Variants in EHD1 observed in about 807,000 individuals in gnomAD.
EHD1 encodes the protein EH domain-containing protein 1.
Under a neutral mutation model 39.0 loss-of-function variants are expected in EHD1, and 19 were observed. That is an observed-to-expected ratio of 0.49 (90% confidence interval 0.34 to 0.72). The LOEUF (loss-of-function observed/expected upper bound fraction) is 0.72. Among genes scored for constraint, EHD1 ranks in the 30% least tolerant of loss-of-function variants. EHD1 has a pLI of 0.01. For missense variants in EHD1, 542 were observed against 751.5 expected, an observed-to-expected ratio of 0.72 and a Z score of 3.26; for synonymous variants, 323 against 331.2, an observed-to-expected ratio of 0.98 and a Z score of 0.27.
chr11:64,855,761 G>A lies in EHD1; in HGVS notation c.916-275C>T, dbSNP rs915357249. 9.6e-5 allele frequency: 44 copies of A among 458,484 alleles called. No homozygotes were observed. In the East Asian group the frequency reaches 1.3e-3, roughly 13 times the overall value. 28.4% of individuals were successfully genotyped at this position (458,484 alleles called of 1,614,324 possible). ...GAAGACAACAGCCTTGGCCTTGCACGGATCATTGTGATGATTCAGGAAGAG... is the reference window on the plus strand; with the variant it reads ...GAAGACAACAGCCTTGGCCTTGCACAGATCATTGTGATGATTCAGGAAGAG... On this transcript the variant is annotated intron_variant, in intron 3 of 4. Coordinates refer to ENST00000320631, the MANE Select transcript of EHD1 (RefSeq NM_006795.4).
chr11:64,857,377 T>C (rs1284664468), intron 3 of EHD1, among the ~76,000 whole-genome samples: 2 of 152,068 alleles, frequency 1.3e-5, no homozygotes, highest in African/African-American at 4.8e-5. Flanking sequence ...TGAGCCGAGA[T>C]TGCGCCACTG....
chr11:64,863,160 C>T (rs564251162), intron 2 of EHD1, among the ~76,000 whole-genome samples: 13 of 152,256 alleles, frequency 8.5e-5, no homozygotes, highest in Non-Finnish European at 1.6e-4. Flanking sequence ...AGTCAGGCTC[C>T]GGAAAAGAGC....
chr11:64,860,403 C>T, intron 2 of EHD1, 67 bp from the exon 3 acceptor site: 10 of 1,530,534 alleles, frequency 6.5e-6, no homozygotes, highest in Non-Finnish European at 5.3e-6. Context: ...CTCTCATCTC[C>T]AACCTGGCCT....
At chr11:64,879,195 A>G (rs1454675474), upstream of EHD1, 39 of 1,064,176 alleles carry the variant, frequency 3.7e-5, no homozygotes, top group Non-Finnish European at 4.4e-5. Flanking sequence ...GTGGTAGCAG[A>G]GCAAGCTGAG....
At chr11:64,874,177 G>A (rs1354896554) in intron 2 of EHD1, among the ~76,000 whole-genome samples, 1 of 151,280 alleles carries the variant, frequency 6.6e-6, no homozygotes, top group Non-Finnish European at 1.5e-5. Context: ...GGTGGCACAT[G>A]CCCGTAGTCC....
intron 1 of EHD1, among the ~76,000 whole-genome samples, chr11:64,875,876 G>A (rs984436061): frequency 6.6e-6 from 1 of 152,330 alleles, no homozygotes; most frequent in South Asian, 2.1e-4. Flanking sequence ...GACAGGAGGC[G>A]CTGGAGAGAT....
rs372762618 is a variant in EHD1 at position 64,869,136 on chromosome 11, C to T, written c.502+5285G>A. 1.1e-4 allele frequency among the ~76,000 whole-genome samples: 16 copies of T among 152,358 alleles called. No homozygotes were observed. In the South Asian group the frequency reaches 2.9e-3, roughly 28 times the overall value. The stretch of plus-strand genomic sequence containing the variant: ...CAAATGCATGAAGAATGCCTCATCC[C>T]CCAAATATAAACGGAATGTTTGCAG... On this transcript the variant is annotated intron_variant, in intron 2 of 4. Coordinates refer to ENST00000320631, the MANE Select transcript of EHD1 (RefSeq NM_006795.4).
At position 64,859,909 on chromosome 11, in the gene EHD1, C is replaced by T. The variant is rs201190867; in HGVS notation, c.915+15G>A. 117 of 1,599,774 alleles carry T rather than the reference C, an allele frequency of 7.3e-5. 1 individual carries two copies. In the Admixed American group the frequency reaches 1.4e-3, roughly 19 times the overall value. On this transcript the variant is annotated intron_variant, in intron 3 of 4. Transcript: ENST00000320631. The stretch of plus-strand genomic sequence containing the variant: ...CTGCCTGGCAATAGGCTGCTCCCCT[C>T]ACCCCAGGGTCTACCTTGGCCAGCC...
chr11:64,878,952 C>T (rs1592757750), upstream of EHD1: 6 of 1,007,920 alleles, frequency 6.0e-6, no homozygotes, highest in Non-Finnish European at 5.9e-6. Flanking sequence ...CCGTGGCCCC[C>T]CCACACCCCC....
chr11:64,855,205 C>T lies in EHD1; in HGVS notation c.1080+117G>A, dbSNP rs891876637. On this transcript the variant is annotated intron_variant, in intron 4 of 4. Coordinates refer to ENST00000320631, the MANE Select transcript of EHD1 (RefSeq NM_006795.4). ...GGGGTGCTGGTGATTAACCCAGCTG[C>T]TTCCGTTCAGGGAGGCCCTTCCCCA... 7 of 1,425,996 alleles carry T rather than the reference C, an allele frequency of 4.9e-6. No individual in the cohort carries two copies. The African/African-American group carries it at 1.0e-4, about 21-fold the overall frequency. The allele number at this position is 1,425,996 out of a possible 1,614,324, so 88.3% of individuals were successfully genotyped here. A position where few individuals can be genotyped will look rare whatever the true frequency, so the allele number is the denominator to read the frequency against.
In EHD1 at chr11:64,860,339, G is replaced by T. The variant is rs375175532; in HGVS notation, c.503-3C>A. ...CAGGACGGCTGCAAAGTCATAGCCT[G>T]GGGGGAAGAGAAGGGAGAGCTCAGG... On this transcript the variant is annotated splice_region_variant and splice_polypyrimidine_tract_variant and intron_variant, in intron 2 of 4. Transcript: ENST00000320631. 2.5e-6 allele frequency: 4 copies of T among 1,605,634 alleles called. No individual in the cohort carries two copies. In the South Asian group the frequency reaches 4.4e-5, roughly 18 times the overall value.
At chr11:64,877,811 G>T in intron 1 of EHD1, 1 of 388,736 alleles carries the variant, frequency 2.6e-6, no homozygotes, top group Non-Finnish European at 4.5e-6. Flanking sequence ...TCTGCAGGAG[G>T]GCTTGGTGGT....
At chr11:64,871,223 G>C (rs969525008) in intron 2 of EHD1, among the ~76,000 whole-genome samples, 3 of 152,204 alleles carry the variant, frequency 2.0e-5, no homozygotes, top group Non-Finnish European at 4.4e-5. Context: ...GTTGTGCTGG[G>C]GCCCTGGTGC....
chr11:64,857,209 A>G (rs1943662744), intron 3 of EHD1, among the ~76,000 whole-genome samples: 1 of 152,096 alleles, frequency 6.6e-6, no homozygotes, highest in Admixed American at 6.5e-5. Context: ...CGGATCACCT[A>G]AAGTCAGGAG....
At chr11:64,878,686 C>G (rs71581709), upstream of EHD1, 926 of 1,350,782 alleles carry the variant, frequency 6.9e-4, 3 homozygotes, top group Middle Eastern at 8.1e-3. Context: ...AGCGCCGCCG[C>G]GGCGGGGGCA....
At chr11:64,858,031 T>C (rs1449861919) in intron 3 of EHD1, among the ~76,000 whole-genome samples, 1 of 150,336 alleles carries the variant, frequency 6.7e-6, no homozygotes, top group Non-Finnish European at 1.5e-5. Flanking sequence ...AGGGCCTTTT[T>C]TTTTTTTTTT....
At position 64,854,474 on chromosome 11, in the gene EHD1, G is replaced by T; in HGVS notation, c.1464C>A (p.Ala488=). Residue 488 remains alanine, a synonymous_variant, in exon 5 of 5, where the codon GCC becomes GCA. Transcript: ENST00000320631. ...NTVLGKIWKL[A]DVDKDGLLDD... ...CCAGCAGCCCGTCCTTGTCCACGTC[G>T]GCCAGCTTCCAGATCTTCCCTAGCA... The T allele has an allele frequency of 6.2e-7, 1 of 1,614,150 alleles. No individual in the cohort carries two copies.
rs1812014432 is a variant in EHD1 at position 64,854,098 on chromosome 11, A to G, written c.*235T>C. 2.8e-6 allele frequency: 2 copies of G among 718,952 alleles called. No homozygotes were observed. The highest frequency in any genetic ancestry group is 3.0e-5 in the Admixed American group (1 of 33,340). The allele number at this position is 718,952 out of a possible 1,614,324, so 44.5% of individuals were successfully genotyped here. On this transcript the variant is annotated 3_prime_UTR_variant, in exon 5 of 5. Transcript: ENST00000320631. Reference sequence around the variant, plus strand: ...GGCGGCGACAAAGAACGCAGCCTCTAACGTTATATATTAAAATAGCCACAG... The same window carrying G: ...GGCGGCGACAAAGAACGCAGCCTCTGACGTTATATATTAAAATAGCCACAG...
At chr11:64,871,436 G>A (rs1191439782) in intron 2 of EHD1, among the ~76,000 whole-genome samples, 3 of 152,212 alleles carry the variant, frequency 2.0e-5, no homozygotes, top group Non-Finnish European at 4.4e-5. Flanking sequence ...TACACCTAGC[G>A]GGGCTCATCC....
Sources: allele counts gnomAD v4.1 joint callset (sites outside exome capture counted in the v4.1 genomes callset), GRCh38; gene constraint gnomAD v4.1.1; transcripts MANE v1.5; gene names NCBI Gene and HGNC (gene_info 2026-07-23, HGNC 2026-07-21).